PDE1C: variants seen among roughly 807,000 people sequenced by gnomAD.
PDE1C encodes dual specificity calcium/calmodulin-dependent 3',5'-cyclic nucleotide phosphodiesterase 1C.
In PDE1C, 62 loss-of-function variants were observed where a neutral mutation model predicts 93.1. That is an observed-to-expected ratio of 0.67 (90% CI 0.54 to 0.82). The LOEUF (loss-of-function observed/expected upper bound fraction) is 0.82. Ranked by LOEUF, PDE1C falls within the 40% of genes least tolerant of loss-of-function variation. PDE1C has a pLI of 0.00. For missense variants in PDE1C, 742 were observed against 884.6 expected (o/e 0.84, Z 2.04); for synonymous variants, 325 against 310.1 (o/e 1.05, Z -0.50).
intron 2 of PDE1C, among the ~76,000 whole-genome samples, chr7:31,992,805 T>C (rs911461320): frequency 5.3e-5 from 8 of 152,204 alleles, no homozygotes; most frequent in Non-Finnish European, 1.2e-4. Context: ...TTATTGTTCA[T>C]TGCCACACAG....
At chr7:31,705,566 A>G in the PDE1C span, among the ~76,000 whole-genome samples, 3 of 152,224 alleles carry the variant, frequency 2.0e-5, no homozygotes, top group Non-Finnish European at 4.4e-5. Context: ...CTAATTGGTA[A>G]AGAACCCATG....
the PDE1C span, among the ~76,000 whole-genome samples, chr7:31,736,464 A>G: frequency 6.6e-6 from 1 of 152,172 alleles, no homozygotes; most frequent in Non-Finnish European, 1.5e-5. Context: ...GAAGGGCTCA[A>G]TATGTGTTTG....
At chr7:31,838,214 A>G (rs1222276812) in intron 9 of PDE1C, among the ~76,000 whole-genome samples, 1 of 152,220 alleles carries the variant, frequency 6.6e-6, no homozygotes, top group African/African-American at 2.4e-5. Context: ...AACTCACAGG[A>G]AAAAATTCAA....
chr7:32,370,056 C>T (rs554141179), intron 1 of PDE1C, among the ~76,000 whole-genome samples: 33 of 152,254 alleles, frequency 2.2e-4, no homozygotes, highest in African/African-American at 7.5e-4. Context: ...GCATTATTCA[C>T]AGTAGCAAAG....
chr7:32,042,676 G>A (rs1387966237), intron 2 of PDE1C, among the ~76,000 whole-genome samples: 1 of 152,172 alleles, frequency 6.6e-6, no homozygotes, highest in Non-Finnish European at 1.5e-5. Flanking sequence ...TGTAAACCAA[G>A]GATAATCTGG....
At chr7:31,714,946 G>A in the PDE1C span, among the ~76,000 whole-genome samples, 1 of 152,136 alleles carries the variant, frequency 6.6e-6, no homozygotes, top group Non-Finnish European at 1.5e-5. Flanking sequence ...TTCACTATAA[G>A]AGGTATGGGG....
chr7:32,406,804 C>T (rs1438772156), intron 1 of PDE1C, among the ~76,000 whole-genome samples: 3 of 152,094 alleles, frequency 2.0e-5, no homozygotes, highest in African/African-American at 4.8e-5. Flanking sequence ...AGGGTTTGGG[C>T]CCTGCATCTG....
chr7:32,297,068 A>C (rs977375271), intron 1 of PDE1C, among the ~76,000 whole-genome samples: 1 of 152,160 alleles, frequency 6.6e-6, no homozygotes, highest in Non-Finnish European at 1.5e-5. Flanking sequence ...TGGGATCTAA[A>C]GCATAGACAA....
chr7:31,641,199 T>C, the PDE1C span, among the ~76,000 whole-genome samples: 1 of 152,148 alleles, frequency 6.6e-6, no homozygotes, highest in Non-Finnish European at 1.5e-5. Flanking sequence ...TGGGATCATT[T>C]CCCTCCCTTG....
chr7:32,290,048 T>A (rs1163453612), intron 1 of PDE1C, among the ~76,000 whole-genome samples: 6 of 152,182 alleles, frequency 3.9e-5, no homozygotes, highest in African/African-American at 1.4e-4. Flanking sequence ...CTAGCAACTC[T>A]GCCTCCAAGC....
intron 1 of PDE1C, among the ~76,000 whole-genome samples, chr7:32,248,098 G>A (rs1041419635): frequency 6.6e-6 from 1 of 152,178 alleles, no homozygotes; most frequent in Non-Finnish European, 1.5e-5. Context: ...ATTCAGAGTA[G>A]GCTTGGGCAG....
rs1366390960 is a variant in PDE1C at position 32,084,737 on chromosome 7, T to C, written c.308+85048A>G. On this transcript the variant is annotated intron_variant, in intron 3 of 18. Coordinates refer to the PDE1C transcript ENST00000396193. ...TCAACTACATGGAAACTGAACAACC[T>C]GCTCCTGAATGACTACTGGGTACAC... is the stretch of plus-strand genomic sequence containing the variant. Among the ~76,000 whole-genome samples, 6 of 126,278 alleles carry C rather than the reference T, an allele frequency of 4.8e-5. No individual in the cohort carries two copies. In the East Asian group the frequency reaches 1.2e-3, roughly 25 times the overall value. The allele number at this position is 126,278 out of a possible 152,430, so 82.8% of individuals were successfully genotyped here.
intron 2 of PDE1C, among the ~76,000 whole-genome samples, chr7:31,957,330 C>G (rs1235688174): frequency 1.3e-5 from 2 of 151,988 alleles, no homozygotes; most frequent in Non-Finnish European, 2.9e-5. Flanking sequence ...AATATAAACC[C>G]TTTCGCTGTA....
Position 31,753,184 on chromosome 7 carries a change from T to A in PDE1C, c.*200A>T. On this transcript the variant is annotated 3_prime_UTR_variant, in exon 18 of 18. Coordinates refer to ENST00000396191, the MANE Select transcript of PDE1C (RefSeq NM_001191057.4). ...TGCTGGCGTCTGGGCTGATCCCACA[T>A]ACAGCAATTGAAAAGTCTATACAAG... The A allele has an allele frequency of 1.9e-6, 1 of 515,048 alleles. No individual in the cohort carries two copies. Among genetic ancestry groups the A allele is most frequent in the Non-Finnish European group, 3.2e-6 (1 of 312,958 alleles). The allele number at this position is 515,048 out of a possible 1,614,324, so 31.9% of individuals were successfully genotyped here.
At chr7:32,339,863 G>A (rs973018178) in intron 1 of PDE1C, among the ~76,000 whole-genome samples, 1 of 152,152 alleles carries the variant, frequency 6.6e-6, no homozygotes, top group African/African-American at 2.4e-5. Flanking sequence ...ACCCTGCGGT[G>A]TAGGGTGGCC....
At chr7:31,801,880 G>GT (rs1786096694) in intron 16 of PDE1C, among the ~76,000 whole-genome samples, 1 of 150,098 alleles carries the variant, frequency 6.7e-6, no homozygotes, top group Non-Finnish European at 1.5e-5. Context: ...TTTTTTGATT[G>GT]TTTTTGTTTT....
the PDE1C span, chr7:31,643,883 G>C: frequency 1.2e-6 from 2 of 1,613,768 alleles, no homozygotes; most frequent in South Asian, 2.2e-5. Flanking sequence ...TCACTAACTG[G>C]TCACCAGGAA....
At chr7:32,113,812 A>G (rs1404491801) in intron 3 of PDE1C, among the ~76,000 whole-genome samples, 3 of 151,984 alleles carry the variant, frequency 2.0e-5, no homozygotes, top group Non-Finnish European at 4.4e-5. Flanking sequence ...TCCTAATGAG[A>G]AAAGATAATC....
chr7:32,116,148 C>T (rs1177287210), intron 3 of PDE1C, among the ~76,000 whole-genome samples: 3 of 152,180 alleles, frequency 2.0e-5, no homozygotes, highest in Non-Finnish European at 4.4e-5. Context: ...TATGACACTT[C>T]CGTGGGATGG....
Sources: gnomAD v4.1 joint callset for allele counts (sites outside exome capture counted in the v4.1 genomes callset) on GRCh38, gnomAD v4.1.1 for gene constraint, MANE v1.5 for transcripts, NCBI Gene and HGNC (gene_info 2026-07-23, HGNC 2026-07-21) for gene names.